MAD2L1BP: variants seen among roughly 807,000 people sequenced by gnomAD.
MAD2L1BP encodes the protein MAD2L1-binding protein.
A neutral mutation model predicts 28.4 loss-of-function variants in MAD2L1BP; 22 were observed. The ratio of observed to expected loss-of-function variants is 0.77; its 90% CI spans 0.55 to 1.10. The LOEUF (loss-of-function observed/expected upper bound fraction) is 1.10, where lower values mean the gene tolerates loss of function less well. MAD2L1BP is among the 50% of genes least tolerant of loss of function. The pLI, the probability that MAD2L1BP is intolerant of heterozygous loss-of-function variation, is 0.00. For missense variants in MAD2L1BP, 325 were observed against 350.5 expected, an observed-to-expected ratio of 0.93 and a Z score of 0.58; for synonymous variants, 146 against 133.7, an observed-to-expected ratio of 1.09 and a Z score of -0.63.
At chr6:43,633,347 T>C (rs1312501026), upstream of MAD2L1BP, 1 of 315,714 alleles carries the variant, frequency 3.2e-6, no homozygotes, top group South Asian at 2.3e-5. Flanking sequence ...TAATTTTGTA[T>C]TTTTAGTAGA....
Position 43,636,583 on chromosome 6 carries a change from A to G in MAD2L1BP, c.249A>G (p.Gln83=), listed in dbSNP as rs752478889. The change falls in exon 2 of 3, where the codon CAA becomes CAG. Residue 83 remains glutamine (Q), a synonymous_variant. Coordinates refer to ENST00000372171, the MANE Select transcript of MAD2L1BP (RefSeq NM_014628.3). Reference sequence around the variant, plus strand: ...AACTTCTAAAGCATATCATGTATCAACGCCAGCAGCTCCCTCTGCCCTATG... The same window carrying G: ...AACTTCTAAAGCATATCATGTATCAGCGCCAGCAGCTCCCTCTGCCCTATG... The part of the protein sequence containing the change: ...TCELLKHIMY[Q]RQQLPLPYEQ... 6.2e-7 allele frequency: 1 copy of G among 1,614,186 alleles called. No homozygotes were observed. Among genetic ancestry groups the G allele is most frequent in the South Asian group, 1.1e-5 (1 of 91,082 alleles).
At chr6:43,633,733 AG>A (rs1359465210), upstream of MAD2L1BP, among the ~76,000 whole-genome samples, 1 of 148,602 alleles carries the variant, frequency 6.7e-6, no homozygotes, top group African/African-American at 2.5e-5. Flanking sequence ...TTTTGGAGGC[AG>A]GGTCTCCCTC....
chr6:43,638,525 G>A (rs1409308134), intron 2 of MAD2L1BP, among the ~76,000 whole-genome samples: 15 of 151,616 alleles, frequency 9.9e-5, no homozygotes, highest in Admixed American at 2.6e-4. Flanking sequence ...GGCCGGGCGC[G>A]GTGGCTCACG....
chr6:43,629,659 G>A (rs1167878109), exon 1 of MAD2L1BP: 2 of 1,384,680 alleles, frequency 1.4e-6, no homozygotes, highest in Non-Finnish European at 2.0e-6. Flanking sequence ...GCGGATCCTA[G>A]ACAACAGGTT....
chr6:43,637,312 G>A (rs1237903941), intron 2 of MAD2L1BP, among the ~76,000 whole-genome samples: 3 of 151,928 alleles, frequency 2.0e-5, no homozygotes, highest in Admixed American at 2.0e-4. Context: ...TGATCTGCCC[G>A]CCTTGGCCTC....
chr6:43,629,626 G>C, exon 1 of MAD2L1BP: 1 of 1,008,184 alleles, frequency 9.9e-7, no homozygotes. Flanking sequence ...CTTTGTGGGC[G>C]CTCCGGGATT....
At chr6:43,636,027 C>G (rs1173859520) in intron 1 of MAD2L1BP, 106 bp downstream of exon 1, 1 of 1,194,522 alleles carries the variant, frequency 8.4e-7, no homozygotes, top group East Asian at 2.6e-5. Flanking sequence ...GCCCGTCTTC[C>G]CTGTCTTCCG....
At chr6:43,635,006 G>A (rs1436093022), upstream of MAD2L1BP, among the ~76,000 whole-genome samples, 1 of 152,032 alleles carries the variant, frequency 6.6e-6, no homozygotes, top group African/African-American at 2.4e-5. Flanking sequence ...CAAGTACTCG[G>A]GTAATTGCAC....
Position 43,640,632 on chromosome 6 carries a change from TGA to T in MAD2L1BP, c.*105_*106del. 7.5e-7 allele frequency: 1 copy of T among 1,335,860 alleles called. No individual in the cohort carries two copies. The highest frequency in any genetic ancestry group is 1.5e-5 in the South Asian group (1 of 67,298). 82.8% of individuals were successfully genotyped at this position (1,335,860 alleles called of 1,614,324 possible). A position where few individuals can be genotyped will look rare whatever the true frequency, so the allele number is the denominator to read the frequency against. On this transcript the variant is annotated 3_prime_UTR_variant, in exon 3 of 3. Transcript: ENST00000372171. ...GTTTGGAGCTAGAGTTGCTTCCTGGTGAGAGAGGAAGCAACTCTCCTTCTGGT... is the reference window on the plus strand; with the variant it reads ...GTTTGGAGCTAGAGTTGCTTCCTGGTGAGAGGAAGCAACTCTCCTTCTGGT...
chr6:43,631,840 G>A (rs1236668795), upstream of MAD2L1BP, among the ~76,000 whole-genome samples: 3 of 152,074 alleles, frequency 2.0e-5, no homozygotes, highest in African/African-American at 7.2e-5. Flanking sequence ...CATTTTGGGA[G>A]GCCGAGATGG....
upstream of MAD2L1BP, among the ~76,000 whole-genome samples, chr6:43,635,532 G>C (rs1473601375): frequency 3.3e-5 from 5 of 152,360 alleles, no homozygotes; most frequent in Non-Finnish European, 5.9e-5. Context: ...CTTGTTCTCC[G>C]CTGTCTCCAG....
intron 2 of MAD2L1BP, among the ~76,000 whole-genome samples, chr6:43,637,121 A>G (rs919081284): frequency 6.6e-6 from 1 of 150,638 alleles, no homozygotes; most frequent in Non-Finnish European, 1.5e-5. Context: ...CTGGAATGCA[A>G]TGGCGTGATC....
Position 43,636,813 on chromosome 6 carries a change from G to A in MAD2L1BP, c.312+167G>A, listed in dbSNP as rs1379934022. The A allele has an allele frequency of 1.9e-5, 14 of 748,818 alleles. No homozygotes were observed. In the East Asian group the frequency reaches 3.4e-4, roughly 18 times the overall value. The allele number at this position is 748,818 out of a possible 1,614,324, so 46.4% of individuals were successfully genotyped here. ...TAGTCTTTGGTAGCCTAACCCTTCT[G>A]GCTTTTTCAACTGTTCTTTCTTTCT... On this transcript the variant is annotated intron_variant, in intron 2 of 2. Transcript: ENST00000372171.
intron 1 of MAD2L1BP, among the ~76,000 whole-genome samples, chr6:43,629,968 C>A (rs571070062): frequency 2.0e-4 from 31 of 152,346 alleles, no homozygotes; most frequent in African/African-American, 7.2e-4. Flanking sequence ...CCAGCTTCCT[C>A]CCCGAAGGCT....
Position 43,640,543 on chromosome 6 carries a change from T to C in MAD2L1BP, c.*10T>C. 6.4e-7 allele frequency: 1 copy of C among 1,551,532 alleles called. No homozygotes were observed. The highest frequency in any genetic ancestry group is 8.7e-7 in the Non-Finnish European group (1 of 1,148,968). ...AGGCTTCCGCGAGTGAATGAGTGCT[T>C]CTTAATCCTAAAAACACAATGGCTG... is the stretch of plus-strand genomic sequence containing the variant. On this transcript the variant is annotated 3_prime_UTR_variant, in exon 3 of 3. Coordinates refer to ENST00000372171, the MANE Select transcript of MAD2L1BP (RefSeq NM_014628.3).
At chr6:43,639,942 A>G in intron 2 of MAD2L1BP, 79 bp from the exon 3 acceptor site, 2 of 1,334,966 alleles carry the variant, frequency 1.5e-6, no homozygotes, top group Non-Finnish European at 2.0e-6. Context: ...CTATGTACAC[A>G]TCCCAGCAGG....
chr6:43,639,414 C>T (rs1273363921), intron 2 of MAD2L1BP, among the ~76,000 whole-genome samples: 1 of 152,246 alleles, frequency 6.6e-6, no homozygotes. Context: ...GCTGGGATTA[C>T]AGGCGTAAGC....
chr6:43,636,734 C>T, intron 2 of MAD2L1BP, 88 bp downstream of exon 2: 1 of 1,476,544 alleles, frequency 6.8e-7, no homozygotes, highest in Non-Finnish European at 9.2e-7. Flanking sequence ...AAGAAATCTT[C>T]AAAGCCTGAG....
In MAD2L1BP at chr6:43,640,639, G is replaced by A; in HGVS notation, c.*106G>A. The A allele has an allele frequency of 7.9e-7, 1 of 1,268,926 alleles. No individual in the cohort carries two copies. The highest frequency in any genetic ancestry group is 1.1e-6 in the Non-Finnish European group (1 of 936,082). 78.6% of individuals were successfully genotyped at this position (1,268,926 alleles called of 1,614,324 possible). ...GCTAGAGTTGCTTCCTGGTGAGAGA[G>A]GAAGCAACTCTCCTTCTGGTTGTCT... On this transcript the variant is annotated 3_prime_UTR_variant, in exon 3 of 3. Coordinates refer to ENST00000372171, the MANE Select transcript of MAD2L1BP (RefSeq NM_014628.3).
Sources: gnomAD v4.1 joint callset for allele counts (sites outside exome capture counted in the v4.1 genomes callset) on GRCh38, gnomAD v4.1.1 for gene constraint, MANE v1.5 for transcripts, NCBI Gene and HGNC (gene_info 2026-07-23, HGNC 2026-07-21) for gene names.